PPARGC1A: variants seen among roughly 807,000 people sequenced by gnomAD.
The protein encoded by PPARGC1A is peroxisome proliferator-activated receptor gamma coactivator 1-alpha.
In PPARGC1A, 25 loss-of-function variants were observed where a neutral mutation model predicts 88.7. The ratio of observed to expected loss-of-function variants is 0.28; its 90% CI spans 0.21 to 0.39. The LOEUF (loss-of-function observed/expected upper bound fraction) is 0.39, where lower values mean the gene tolerates loss of function less well. PPARGC1A is among the 10% of genes least tolerant of loss of function. The pLI is 1.00. For missense variants in PPARGC1A, 880 were observed against 968.7 expected (o/e 0.91, Z 1.22); for synonymous variants, 363 against 355.6 (o/e 1.02, Z -0.24).
At chr4:24,002,093 C>CAGAGAGAGAGAG in the PPARGC1A span, among the ~76,000 whole-genome samples, 318 of 135,620 alleles carry the variant, frequency 2.3e-3, 2 homozygotes, top group African/African-American at 8.1e-3. Flanking sequence ...CACACACACA[C>CAGAGAGAGAGAG]ACACAGAGAG....
the PPARGC1A span, among the ~76,000 whole-genome samples, chr4:24,047,145 T>C: frequency 2.2e-4 from 34 of 152,334 alleles, no homozygotes; most frequent in East Asian, 6.4e-3. Flanking sequence ...GAGTGACTAG[T>C]TTCCCAAACT....
chr4:24,252,848 T>A, the PPARGC1A span, among the ~76,000 whole-genome samples: 1 of 152,364 alleles, frequency 6.6e-6, no homozygotes, highest in South Asian at 2.1e-4. Flanking sequence ...ATCAGAAATT[T>A]TTTTTTCCTT....
chr4:24,455,770 C>A, the PPARGC1A span, among the ~76,000 whole-genome samples: 2 of 152,156 alleles, frequency 1.3e-5, no homozygotes, highest in Non-Finnish European at 1.5e-5. Context: ...GCGTTCCTGC[C>A]CTTCTACCTT....
At chr4:24,325,427 C>T in the PPARGC1A span, among the ~76,000 whole-genome samples, 4 of 152,322 alleles carry the variant, frequency 2.6e-5, no homozygotes, top group South Asian at 2.1e-4. Context: ...AACTTCCAAA[C>T]GCCTGAACCG....
At chr4:24,281,453 C>T in the PPARGC1A span, among the ~76,000 whole-genome samples, 1 of 152,056 alleles carries the variant, frequency 6.6e-6, no homozygotes, top group African/African-American at 2.4e-5. Context: ...GTGCCAGGCT[C>T]TTTGTGACGA....
chr4:24,165,549 C>A, the PPARGC1A span, among the ~76,000 whole-genome samples: 1 of 152,176 alleles, frequency 6.6e-6, no homozygotes, highest in Admixed American at 6.5e-5. Flanking sequence ...GGCAACACTG[C>A]AATGAGCAAG....
At chr4:24,172,214 A>G in the PPARGC1A span, among the ~76,000 whole-genome samples, 1 of 152,238 alleles carries the variant, frequency 6.6e-6, no homozygotes, top group Non-Finnish European at 1.5e-5. Context: ...ACTGATCCCT[A>G]TCACTCTGGG....
At chr4:24,129,723 A>G in the PPARGC1A span, among the ~76,000 whole-genome samples, 1 of 152,180 alleles carries the variant, frequency 6.6e-6, no homozygotes, top group East Asian at 1.9e-4. Context: ...ACTATTCACA[A>G]TAGCAAAGAC....
rs182226703 is a variant in PPARGC1A, at chr4:23,792,037, G to A, written c.*3785C>T. 3.3e-5 allele frequency: 5 copies of A among 152,622 alleles called. No homozygotes were observed. Among genetic ancestry groups the A allele is most frequent in the East Asian group, 1.9e-4 (1 of 5,178 alleles). The allele number at this position is 152,622 out of a possible 1,614,324, so 9.5% of individuals were successfully genotyped here. A position where few individuals can be genotyped will look rare whatever the true frequency, so the allele number is the denominator to read the frequency against. The stretch of plus-strand genomic sequence containing the variant: ...AAGCAGAAGTAGATTTGAAACATTC[G>A]TTTCCCTTTATTAGCTCAGTGAGGC... On this transcript the variant is annotated 3_prime_UTR_variant, in exon 13 of 13. Transcript: ENST00000264867.
At chr4:24,438,781 A>T in the PPARGC1A span, among the ~76,000 whole-genome samples, 1 of 151,902 alleles carries the variant, frequency 6.6e-6, no homozygotes, top group African/African-American at 2.4e-5. Flanking sequence ...GTGGGATCTG[A>T]GTCCGTTAGT....
upstream of PPARGC1A, among the ~76,000 whole-genome samples, chr4:23,894,638 C>T (rs979000632): frequency 2.0e-5 from 3 of 151,978 alleles, no homozygotes; most frequent in Admixed American, 2.0e-4. Context: ...TTCTGCAGAC[C>T]GGCTCTATGG....
chr4:24,438,912 A>G, the PPARGC1A span, among the ~76,000 whole-genome samples: 1 of 152,022 alleles, frequency 6.6e-6, no homozygotes, highest in East Asian at 1.9e-4. Context: ...TACCCCCAGA[A>G]TGTATTTTTT....
At chr4:23,981,211 A>T in the PPARGC1A span, among the ~76,000 whole-genome samples, 1 of 152,098 alleles carries the variant, frequency 6.6e-6, no homozygotes, top group African/African-American at 2.4e-5. Context: ...GACTTTTAGT[A>T]AAAGTGAGTG....
chr4:24,212,075 C>T, the PPARGC1A span, among the ~76,000 whole-genome samples: 60 of 152,272 alleles, frequency 3.9e-4, no homozygotes, highest in Middle Eastern at 3.4e-3. Context: ...CATGGCTTCC[C>T]CACATCCTGG....
the PPARGC1A span, among the ~76,000 whole-genome samples, chr4:24,050,917 G>T: frequency 6.6e-6 from 1 of 152,184 alleles, no homozygotes; most frequent in Admixed American, 6.5e-5. Flanking sequence ...GCCGGGCGCA[G>T]TGGCTCACGC....
chr4:23,913,670 C>A, the PPARGC1A span, among the ~76,000 whole-genome samples: 1 of 152,160 alleles, frequency 6.6e-6, no homozygotes, highest in Non-Finnish European at 1.5e-5. Flanking sequence ...GTTCTTAGGT[C>A]TTAAAATGCT....
At chr4:24,119,242 A>C in the PPARGC1A span, among the ~76,000 whole-genome samples, 2 of 152,302 alleles carry the variant, frequency 1.3e-5, no homozygotes, top group Admixed American at 1.3e-4. Context: ...CCTTTGGATC[A>C]TAAAACCTCT....
At chr4:24,063,080 T>A in the PPARGC1A span, among the ~76,000 whole-genome samples, 1 of 152,178 alleles carries the variant, frequency 6.6e-6, no homozygotes, top group Non-Finnish European at 1.5e-5. Flanking sequence ...TGAGAGTCTT[T>A]TTGTTGTCTT....
At chr4:24,353,931 T>C in the PPARGC1A span, among the ~76,000 whole-genome samples, 1 of 152,246 alleles carries the variant, frequency 6.6e-6, no homozygotes, top group African/African-American at 2.4e-5. Context: ...GGTTTGCTCT[T>C]GCCCCTGGAA....
Sources: gnomAD v4.1 joint callset for allele counts (sites outside exome capture counted in the v4.1 genomes callset) on GRCh38, gnomAD v4.1.1 for gene constraint, MANE v1.5 for transcripts, NCBI Gene and HGNC (gene_info 2026-07-23, HGNC 2026-07-21) for gene names.